The following LDHB variants were observed in gnomAD, a reference collection of about 807,000 sequenced individuals.
The protein encoded by LDHB is lactate dehydrogenase B.
LDHB carries 18 observed loss-of-function variants against 33.4 expected under a neutral mutation model. That is an observed-to-expected ratio of 0.54 (90% confidence interval 0.37 to 0.80). The LOEUF is 0.80. Ranked by LOEUF, LDHB falls within the 30% of genes least tolerant of loss-of-function variation. The probability of loss-of-function intolerance (pLI) is 0.00; values close to 1 mark genes in which losing one functional copy is unlikely to be tolerated. For synonymous variants in LDHB, 121 were observed against 140.6 expected, an observed-to-expected ratio of 0.86 and a Z score of 0.98; for missense variants, 345 against 407.9, an observed-to-expected ratio of 0.85 and a Z score of 1.33.
chr12:21,641,679 T>C (rs1292793258), intron 5 of LDHB, among the ~76,000 whole-genome samples: 5 of 152,134 alleles, frequency 3.3e-5, no homozygotes, highest in East Asian at 3.9e-4. Context: ...AAAATCTTTG[T>C]TTTGAGGAAA....
In LDHB at chr12:21,637,785, A is replaced by G. The variant is rs74947906; in HGVS notation, c.713+568T>C. The stretch of plus-strand genomic sequence containing the variant: ...TAGAAGACCTTGGACCAGTTACACT[A>G]TCTGGGTGAGCCATAGTTTTCTCAC... On this transcript the variant is annotated intron_variant, in intron 6 of 7. Transcript: ENST00000350669. Among the ~76,000 whole-genome samples the G allele has an allele frequency of 4.8e-3, 725 of 152,154 alleles. 39 individuals are homozygous for G. The East Asian group carries it at 0.11, about 24-fold the overall frequency.
Position 21,646,996 on chromosome 12 carries a change from A to C in LDHB, c.150T>G (p.Ala50=). The part of the protein sequence containing the change: ...ILGKSLADEL[A]LVDVLEDKLK... ...GCTTATCTTCCAAAACATCCACAAG[A>C]GCAAGTTCATCAGCCAGAGACTGTA... is the stretch of plus-strand genomic sequence containing the variant. Residue 50 remains alanine, a synonymous_variant, in exon 3 of 8, where the codon GCT becomes GCG. Transcript: ENST00000350669. 1.2e-6 allele frequency: 2 copies of C among 1,613,264 alleles called. No homozygotes were observed. The highest frequency in any genetic ancestry group is 1.7e-6 in the Non-Finnish European group (2 of 1,179,300).
intron 7 of LDHB, among the ~76,000 whole-genome samples, chr12:21,636,741 T>C (rs1007404937): frequency 6.6e-6 from 1 of 152,162 alleles, no homozygotes; most frequent in African/African-American, 2.4e-5. Flanking sequence ...AAAGGCAATC[T>C]AGAGTTTAGT....
intron 3 of LDHB, 111 bp from the exon 4 acceptor site, chr12:21,644,219 T>C (rs1677113): frequency 0.99 from 760,793 of 768,138 alleles, 377,045 homozygotes; most frequent in East Asian, 1. Flanking sequence ...AGAACATATA[T>C]GTGAATTAAG....
intron 2 of LDHB, among the ~76,000 whole-genome samples, chr12:21,650,152 G>C (rs5002144): frequency 0.039 from 1,702 of 44,082 alleles, 26 homozygotes; most frequent in African/African-American, 0.043. Context: ...ACACACACAC[G>C]TCTCTCTCTC....
chr12:21,651,635 T>C (rs1938694091), intron 2 of LDHB, among the ~76,000 whole-genome samples: 1 of 152,178 alleles, frequency 6.6e-6, no homozygotes, highest in African/African-American at 2.4e-5. Flanking sequence ...ATGATATAGA[T>C]GACAATATCC....
chr12:21,637,193 C>G lies in LDHB; in HGVS notation c.715G>C (p.Ala239Pro). ...CCTTTTAGCTTGATGACTTCATAGG[C>G]ACTTAAAAAAATTATAAAAGACATC... ...KEVHKMVVESAYEVIKLKGYT... is the reference protein window; with the variant it reads ...KEVHKMVVESPYEVIKLKGYT... Residue 239 changes from alanine (A) to proline (P), a missense_variant and splice_region_variant, in exon 7 of 8, where the codon GCC (alanine) becomes CCC (proline). Coordinates refer to ENST00000350669, the MANE Select transcript of LDHB (RefSeq NM_002300.8). 6.3e-7 allele frequency: 1 copy of G among 1,596,552 alleles called. No individual in the cohort carries two copies.
At chr12:21,656,313 A>C (rs1226997827) in intron 1 of LDHB, among the ~76,000 whole-genome samples, 1 of 152,210 alleles carries the variant, frequency 6.6e-6, no homozygotes, top group African/African-American at 2.4e-5. Flanking sequence ...ACAGTTTCCT[A>C]GTGGACGTTA....
chr12:21,635,919 C>G (rs367806098), intron 7 of LDHB, among the ~76,000 whole-genome samples: 4 of 152,102 alleles, frequency 2.6e-5, no homozygotes, highest in Admixed American at 2.0e-4. Context: ...GTCCGATGTT[C>G]CAACAGAAAG....
intron 2 of LDHB, among the ~76,000 whole-genome samples, chr12:21,648,587 AGAATAAGGTG>A (rs772184511): frequency 7.2e-5 from 11 of 152,204 alleles, no homozygotes; most frequent in Non-Finnish European, 1.2e-4. Context: ...AGCACTTTGA[AGAATAAGGTG>A]GAATAAGGTG....
intron 6 of LDHB, 189 bp from the exon 7 acceptor site, chr12:21,637,383 C>A: frequency 1.8e-6 from 1 of 567,178 alleles, no homozygotes; most frequent in Admixed American, 3.0e-5. Context: ...ACTGTAAGCA[C>A]TACACAGTAA....
intron 6 of LDHB, 81 bp downstream of exon 6, chr12:21,638,272 A>T: frequency 1.2e-6 from 1 of 824,252 alleles, no homozygotes; most frequent in Non-Finnish European, 2.1e-6. Context: ...TTATCTGAGC[A>T]GACAGCCATG....
chr12:21,654,003 AAAG>A (rs1392560248), intron 2 of LDHB, among the ~76,000 whole-genome samples: 3 of 152,216 alleles, frequency 2.0e-5, no homozygotes, highest in African/African-American at 4.8e-5. Flanking sequence ...TGGTCTGCAC[AAAG>A]AAGGACATGA....
Position 21,635,445 on chromosome 12 carries a change from A to G in LDHB, c.*97T>C. ...AGCCCAAATTCACATATTGAAGAAG[A>G]TCAAAGCAAACTGTGATCCATGTAC... On this transcript the variant is annotated 3_prime_UTR_variant, in exon 8 of 8. Transcript: ENST00000350669. The G allele has an allele frequency of 9.7e-7, 1 of 1,031,586 alleles. No homozygotes were observed. The highest frequency in any genetic ancestry group is 1.5e-6 in the Non-Finnish European group (1 of 654,458). 63.9% of individuals were successfully genotyped at this position (1,031,586 alleles called of 1,614,324 possible).
chr12:21,646,351 G>A (rs919379453), intron 3 of LDHB, among the ~76,000 whole-genome samples: 3 of 152,216 alleles, frequency 2.0e-5, no homozygotes, highest in Admixed American at 6.5e-5. Flanking sequence ...AAGATAACTA[G>A]TGTGGCAGTG....
In LDHB at chr12:21,642,458, G is replaced by A. The variant is rs185723948; in HGVS notation, c.422-333C>T. Among the ~76,000 whole-genome samples the A allele has an allele frequency of 1.2e-4, 18 of 152,134 alleles. No individual in the cohort carries two copies. The East Asian group carries it at 2.3e-3, about 20-fold the overall frequency. On this transcript the variant is annotated intron_variant, in intron 4 of 7. Coordinates refer to ENST00000350669, the MANE Select transcript of LDHB (RefSeq NM_002300.8). ...GAAAAAAACAAAACAGGTTGAACCA[G>A]GTTGTCAGTTAAGTTTCCCCCAGTT...
At chr12:21,637,043 T>C (rs1360166617) in intron 7 of LDHB, 28 bp downstream of exon 7, 8 of 1,552,450 alleles carry the variant, frequency 5.2e-6, no homozygotes, top group African/African-American at 1.4e-5. Flanking sequence ...CGAGAAATCA[T>C]ATTACATTTT....
intron 3 of LDHB, 25 bp downstream of exon 3, chr12:21,646,874 C>G (rs1290177263): frequency 7.6e-7 from 1 of 1,312,950 alleles, no homozygotes; most frequent in Admixed American, 1.7e-5. Context: ...AATATTAGAT[C>G]ACTTTGGGCA....
Position 21,654,547 on chromosome 12 carries a change from C to T in LDHB, c.125G>A (p.Gly42Glu). The T allele has an allele frequency of 6.2e-7, 1 of 1,614,002 alleles. No individual in the cohort carries two copies. The highest frequency in any genetic ancestry group is 8.5e-7 in the Non-Finnish European group (1 of 1,179,874). Residue 42 changes from glycine (G) to glutamate (E), a missense_variant, in exon 2 of 8, where the codon GGA becomes GAA. Coordinates refer to ENST00000350669, the MANE Select transcript of LDHB (RefSeq NM_002300.8). ...TATGGTGTTCTTGAAATGTACCTTT[C>T]CCAGAATGCTGATAGCACACGCCAT... ...VGMACAISIL[G>E]KSLADELALV...
Sources: allele counts gnomAD v4.1 joint callset (sites outside exome capture counted in the v4.1 genomes callset), GRCh38; gene constraint gnomAD v4.1.1; transcripts MANE v1.5; gene names NCBI Gene and HGNC (gene_info 2026-07-23, HGNC 2026-07-21).